ATIC: variants seen among roughly 807,000 people sequenced by gnomAD.
ATIC encodes the protein 5-aminoimidazole-4-carboxamide ribonucleotide formyltransferase/IMP cyclohydrolase, also known as bifunctional purine biosynthesis protein ATIC.
ATIC carries 64 observed loss-of-function variants against 72.5 expected under a neutral mutation model. The ratio of observed to expected loss-of-function variants is 0.88; its 90% confidence interval spans 0.72 to 1.09. The LOEUF (loss-of-function observed/expected upper bound fraction) is 1.09. Among genes scored for constraint, ATIC ranks in the 50% least tolerant of loss-of-function variants. ATIC has a pLI of 0.00. For missense variants in ATIC, 787 were observed against 732.4 expected (o/e 1.07, Z -0.86); for synonymous variants, 281 against 267.1 (o/e 1.05, Z -0.51).
the ATIC span, chr2:215,367,740 T>C: frequency 4.2e-6 from 4 of 941,276 alleles, no homozygotes; most frequent in East Asian, 7.7e-5. Context: ...CAAACAGTAT[T>C]CTCTTGTTTG....
chr2:215,319,699 T>G lies in ATIC; in HGVS notation c.258T>G (p.Ala86=). The change falls in exon 4 of 16, where the codon GCT becomes GCG. Residue 86 remains alanine (A), a synonymous_variant. Coordinates refer to ENST00000236959, the MANE Select transcript of ATIC (RefSeq NM_004044.7). ...ILARNIPEDN[A]DMARLDFNLI... ...CTCGTAATATTCCAGAAGATAATGC[T>G]GACATGGCCAGACTTGATTTCAATC... 6.2e-7 allele frequency: 1 copy of G among 1,612,686 alleles called. No individual in the cohort carries two copies. Among genetic ancestry groups the G allele is most frequent in the Non-Finnish European group, 8.5e-7 (1 of 1,178,686 alleles).
intron 14 of ATIC, chr2:215,347,720 T>C (rs2053087069): frequency 2.1e-6 from 1 of 476,600 alleles, no homozygotes; most frequent in East Asian, 5.1e-5. Flanking sequence ...ACTTGGATTT[T>C]TCTGTTTGAT....
At chr2:215,356,602 C>T in the ATIC span, among the ~76,000 whole-genome samples, 2 of 152,206 alleles carry the variant, frequency 1.3e-5, no homozygotes, top group Non-Finnish European at 2.9e-5. Flanking sequence ...TTAGCCATCA[C>T]TGTCCATTTC....
chr2:215,325,411 C>G, intron 5 of ATIC, 82 bp downstream of exon 5: 1 of 1,045,756 alleles, frequency 9.6e-7, no homozygotes, highest in Non-Finnish European at 1.5e-6. Context: ...AATTTTATTA[C>G]TGAGGAAATA....
At position 215,344,738 on chromosome 2, in the gene ATIC, T is replaced by G. The variant is rs369060362; in HGVS notation, c.1228-41T>G. On this transcript the variant is annotated intron_variant, in intron 12 of 15. Coordinates refer to ENST00000236959, the MANE Select transcript of ATIC (RefSeq NM_004044.7). ...AAAGAAGCTTAAAGTTAAATGAGTT[T>G]AAAAGGCCCCATGCAATTTACCATT... The G allele has an allele frequency of 3.6e-4, 567 of 1,576,982 alleles. 2 individuals are homozygous for G. The highest frequency in any genetic ancestry group is 2.3e-3 in the Middle Eastern group (14 of 5,994).
At chr2:215,332,790 T>C (rs144686645) in intron 8 of ATIC, among the ~76,000 whole-genome samples, 66 of 152,320 alleles carry the variant, frequency 4.3e-4, no homozygotes, top group African/African-American at 1.5e-3. Context: ...GACTAAGTCT[T>C]GTGCCACATC....
intron 7 of ATIC, among the ~76,000 whole-genome samples, chr2:215,331,445 C>T (rs1009519667): frequency 7.5e-5 from 11 of 146,690 alleles, no homozygotes; most frequent in African/African-American, 2.3e-4. Flanking sequence ...TGCAGTGGCG[C>T]GGTTTCGGCT....
chr2:215,337,640 T>C (rs1440305707), intron 11 of ATIC, among the ~76,000 whole-genome samples: 5 of 152,240 alleles, frequency 3.3e-5, no homozygotes, highest in Non-Finnish European at 7.3e-5. Context: ...GTGTTGGGAT[T>C]ACAGGCGTGA....
chr2:215,322,792 T>G (rs1189156252), intron 4 of ATIC, among the ~76,000 whole-genome samples: 1 of 152,192 alleles, frequency 6.6e-6, no homozygotes, highest in Admixed American at 6.5e-5. Context: ...AAAAGACTGT[T>G]CTTTGCCCAA....
At chr2:215,334,346 A>G (rs535019093) in intron 9 of ATIC, among the ~76,000 whole-genome samples, 63 of 151,938 alleles carry the variant, frequency 4.1e-4, no homozygotes, top group Non-Finnish European at 8.8e-4. Context: ...GGTGCGTGCC[A>G]CCACACCTGG....
At chr2:215,334,808 C>A in intron 9 of ATIC, 111 bp from the exon 10 acceptor site, 1 of 835,874 alleles carries the variant, frequency 1.2e-6, no homozygotes. Context: ...CTTATGTAAA[C>A]AGTAAGATTA....
At chr2:215,367,286 GA>G in the ATIC span, among the ~76,000 whole-genome samples, 2 of 152,298 alleles carry the variant, frequency 1.3e-5, no homozygotes, top group South Asian at 4.1e-4. Context: ...ATTAGAATTT[GA>G]AAATCAAACA....
In ATIC at chr2:215,312,205, G is replaced by GC. The variant is rs748472238; in HGVS notation, c.19+50dup. The stretch of plus-strand genomic sequence containing the variant: ...GGCGCGGTCTGCGTCCTCGCCTGCG[G>GC]CCCCCCACGCTCCCGCCTTGGCGGC... On this transcript the variant is annotated intron_variant, in intron 1 of 15. Coordinates refer to ENST00000236959, the MANE Select transcript of ATIC (RefSeq NM_004044.7). 1.3e-5 allele frequency: 19 copies of GC among 1,480,820 alleles called. No homozygotes were observed. In the Admixed American group the frequency reaches 2.6e-4, roughly 20 times the overall value. The allele number at this position is 1,480,820 out of a possible 1,614,324, so 91.7% of individuals were successfully genotyped here. A position where few individuals can be genotyped will look rare whatever the true frequency, so the allele number is the denominator to read the frequency against.
At chr2:215,334,753 T>C (rs1293612648) in intron 9 of ATIC, among the ~76,000 whole-genome samples, 166 bp from the exon 10 acceptor site, 1 of 152,222 alleles carries the variant, frequency 6.6e-6, no homozygotes, top group Non-Finnish European at 1.5e-5. Context: ...AAGAATACTT[T>C]CTTACTGGTT....
intron 7 of ATIC, among the ~76,000 whole-genome samples, chr2:215,330,695 TTA>T (rs2052882636): frequency 6.6e-6 from 1 of 151,830 alleles, no homozygotes; most frequent in Non-Finnish European, 1.5e-5. Context: ...GCAACCACTG[TTA>T]TCTTTTTCTC....
intron 3 of ATIC, 83 bp from the exon 4 acceptor site, chr2:215,319,578 TTTGA>T (rs1338620919): frequency 1.0e-6 from 1 of 996,494 alleles, no homozygotes; most frequent in African/African-American, 1.6e-5. Context: ...TGGGATTTAA[TTTGA>T]TTGAAGACAC....
intron 4 of ATIC, among the ~76,000 whole-genome samples, chr2:215,323,013 T>C (rs535835466): frequency 6.6e-6 from 1 of 152,228 alleles, no homozygotes; most frequent in East Asian, 1.9e-4. Flanking sequence ...GGCGCGATCT[T>C]GGCTCACTGC....
At chr2:215,341,141 T>A (rs2053014528) in intron 12 of ATIC, among the ~76,000 whole-genome samples, 1 of 152,220 alleles carries the variant, frequency 6.6e-6, no homozygotes, top group Admixed American at 6.5e-5. Context: ...AACATATCTT[T>A]TTTGTTTGAT....
At chr2:215,355,776 G>C in the ATIC span, among the ~76,000 whole-genome samples, 1 of 152,226 alleles carries the variant, frequency 6.6e-6, no homozygotes, top group African/African-American at 2.4e-5. Context: ...AGGAGATTTT[G>C]CTAGAAGGCC....
Sources: gnomAD v4.1 joint callset for allele counts (sites outside exome capture counted in the v4.1 genomes callset) on GRCh38, gnomAD v4.1.1 for gene constraint, MANE v1.5 for transcripts, NCBI Gene and HGNC (gene_info 2026-07-23, HGNC 2026-07-21) for gene names.